PHLDB2: variants seen among roughly 807,000 people sequenced by gnomAD.
PHLDB2 encodes pleckstrin homology like domain family B member 2, also known as pleckstrin homology-like domain family B member 2.
In PHLDB2, 71 loss-of-function variants were observed where a neutral mutation model predicts 123.6. The observed-to-expected ratio is 0.57, with a 90% CI of 0.47 to 0.70. PHLDB2 has a LOEUF of 0.70. Among genes scored for constraint, PHLDB2 ranks in the 30% least tolerant of loss-of-function variants. The pLI, the probability that PHLDB2 is intolerant of heterozygous loss-of-function variation, is 0.00. For synonymous variants in PHLDB2, 547 were observed against 541.6 expected, an observed-to-expected ratio of 1.01 and a Z score of -0.14; for missense variants, 1,446 against 1,519.5, an observed-to-expected ratio of 0.95 and a Z score of 0.80.
intron 1 of PHLDB2, among the ~76,000 whole-genome samples, chr3:111,821,080 G>A (rs2062353723): frequency 1.3e-5 from 2 of 152,172 alleles, no homozygotes; most frequent in South Asian, 4.1e-4. Context: ...TAGGTCTTAT[G>A]TGGGTTCCAT....
intron 5 of PHLDB2, among the ~76,000 whole-genome samples, chr3:111,921,845 G>T (rs1317632345): frequency 6.6e-6 from 1 of 152,112 alleles, no homozygotes; most frequent in African/African-American, 2.4e-5. Flanking sequence ...CTCGTGATCC[G>T]CCCACCTCAG....
intron 1 of PHLDB2, among the ~76,000 whole-genome samples, chr3:111,829,927 A>AACACACACACAC (rs72357648): frequency 4.3e-4 from 58 of 136,014 alleles, no homozygotes; most frequent in East Asian, 1.9e-3. Flanking sequence ...AACTATTCAA[A>AACACACACACAC]ACACACACAC....
At chr3:111,940,498 A>G in intron 7 of PHLDB2, 37 bp from the exon 8 acceptor site, 2 of 1,260,806 alleles carry the variant, frequency 1.6e-6, no homozygotes, top group Non-Finnish European at 2.3e-6. Flanking sequence ...TTGAGTGTCT[A>G]ATGTACATCT....
chr3:111,787,270 G>A (rs1255682640), intron 1 of PHLDB2, among the ~76,000 whole-genome samples: 1 of 152,182 alleles, frequency 6.6e-6, no homozygotes, highest in Non-Finnish European at 1.5e-5. Context: ...GAAGGTGAAT[G>A]TGTTCCCTGT....
chr3:111,967,982 A>AAG (rs2071899985), intron 15 of PHLDB2, among the ~76,000 whole-genome samples, 158 bp downstream of exon 15: 1 of 143,896 alleles, frequency 6.9e-6, no homozygotes, highest in African/African-American at 2.8e-5. Context: ...GTGCAAAAAA[A>AAG]AAAAAAAAAA....
At chr3:111,840,571 A>G (rs908330516) in intron 1 of PHLDB2, among the ~76,000 whole-genome samples, 1 of 152,198 alleles carries the variant, frequency 6.6e-6, no homozygotes, top group Non-Finnish European at 1.5e-5. Context: ...TTTCCATGAA[A>G]GGGAGCTTGA....
At position 111,975,355 on chromosome 3, in the gene PHLDB2, A is replaced by G. The variant is rs538295892; in HGVS notation, c.*792A>G. The stretch of plus-strand genomic sequence containing the variant: ...CAACAGGCATTCTGTCATGTTGAAC[A>G]ATTTTAAATAAAGAGAATATCTGGT... On this transcript the variant is annotated 3_prime_UTR_variant, in exon 18 of 18. Coordinates refer to ENST00000431670, the MANE Select transcript of PHLDB2 (RefSeq NM_001134438.2). 1.3e-5 allele frequency: 2 copies of G among 152,314 alleles called. No individual in the cohort carries two copies. The highest frequency in any genetic ancestry group is 4.1e-4 in the South Asian group (2 of 4,832). 9.4% of individuals were successfully genotyped at this position (152,314 alleles called of 1,614,324 possible).
At chr3:111,936,443 T>G (rs1177112652) in intron 6 of PHLDB2, among the ~76,000 whole-genome samples, 1 of 152,230 alleles carries the variant, frequency 6.6e-6, no homozygotes, top group East Asian at 1.9e-4. Flanking sequence ...ACATAAAATC[T>G]TGTAAAAGTT....
intron 1 of PHLDB2, among the ~76,000 whole-genome samples, chr3:111,790,493 T>C: frequency 6.6e-6 from 1 of 152,162 alleles, no homozygotes; most frequent in Non-Finnish European, 1.5e-5. Flanking sequence ...CTTGAGGCAT[T>C]AGGAGTTGCT....
chr3:111,939,753 A>G lies in PHLDB2; in HGVS notation c.2286+123A>G, dbSNP rs2069741506. 3.4e-5 allele frequency: 33 copies of G among 978,432 alleles called. No homozygotes were observed. In the South Asian group the frequency reaches 6.0e-4, roughly 18 times the overall value. 60.6% of individuals were successfully genotyped at this position (978,432 alleles called of 1,614,324 possible). A position where few individuals can be genotyped will look rare whatever the true frequency, so the allele number is the denominator to read the frequency against. ...TTACGTAGTCTGCCATGTATGTGGC[A>G]AATGGTGTTCCAAATTAGACAAATT... On this transcript the variant is annotated intron_variant, in intron 7 of 17. Transcript: ENST00000431670.
intron 5 of PHLDB2, among the ~76,000 whole-genome samples, chr3:111,930,189 G>A (rs532074864): frequency 4.6e-4 from 70 of 152,046 alleles, no homozygotes; most frequent in Admixed American, 2.2e-3. Context: ...GGGATTACAG[G>A]CATGAAAGAT....
rs1224720735 is a variant in PHLDB2, at chr3:111,732,593, T to C, written c.-159T>C. 4 of 1,525,818 alleles carry C rather than the reference T, an allele frequency of 2.6e-6. No homozygotes were observed. The African/African-American group carries it at 4.1e-5, about 16-fold the overall frequency. 94.5% of individuals were successfully genotyped at this position (1,525,818 alleles called of 1,614,324 possible). On this transcript the variant is annotated 5_prime_UTR_variant, in exon 1 of 18. Coordinates refer to the PHLDB2 transcript ENST00000393923. ...AAAAGGAGAAACCTGTGTTAATGTG[T>C]CTTCCCAACATCCCACTCTCTTCAG... is the stretch of plus-strand genomic sequence containing the variant.
intron 12 of PHLDB2, among the ~76,000 whole-genome samples, chr3:111,958,902 A>T (rs901556464): frequency 2.6e-5 from 4 of 152,234 alleles, no homozygotes; most frequent in Non-Finnish European, 5.9e-5. Flanking sequence ...TATATAGAAT[A>T]TATAGATGAA....
At chr3:111,908,363 A>G (rs1054690616) in intron 2 of PHLDB2, among the ~76,000 whole-genome samples, 4 of 152,182 alleles carry the variant, frequency 2.6e-5, no homozygotes, top group African/African-American at 7.2e-5. Context: ...CTGAAATTGC[A>G]CATGGTTTAT....
At chr3:111,851,260 G>A (rs2064244066) in intron 2 of PHLDB2, among the ~76,000 whole-genome samples, 1 of 148,770 alleles carries the variant, frequency 6.7e-6, no homozygotes, top group East Asian at 2.0e-4. Flanking sequence ...GAGAAGCAAT[G>A]ACATTGCCCC....
At chr3:111,879,987 T>C (rs961646276) in intron 1 of PHLDB2, among the ~76,000 whole-genome samples, 94 of 15,332 alleles carry the variant, frequency 6.1e-3, no homozygotes, top group African/African-American at 0.014. Flanking sequence ...CCCACTGCCT[T>C]TTTTTTTTTT....
At chr3:111,785,214 T>C (rs1476939605) in intron 1 of PHLDB2, among the ~76,000 whole-genome samples, 1 of 152,162 alleles carries the variant, frequency 6.6e-6, no homozygotes, top group Non-Finnish European at 1.5e-5. Flanking sequence ...AGCCATTTTA[T>C]TTCTTCATTT....
At chr3:111,905,841 CT>C (rs1031257271) in intron 2 of PHLDB2, among the ~76,000 whole-genome samples, 1 of 151,562 alleles carries the variant, frequency 6.6e-6, no homozygotes, top group African/African-American at 2.4e-5. Flanking sequence ...CCATTATAAT[CT>C]TTTTTTTTCC....
chr3:111,805,374 C>T (rs985930260), intron 1 of PHLDB2, among the ~76,000 whole-genome samples: 26 of 151,920 alleles, frequency 1.7e-4, no homozygotes, highest in South Asian at 6.2e-4. Context: ...TCCTGGCTAA[C>T]ATGGTGAAAC....
Sources: gnomAD v4.1 joint callset for allele counts (sites outside exome capture counted in the v4.1 genomes callset) on GRCh38, gnomAD v4.1.1 for gene constraint, MANE v1.5 for transcripts, NCBI Gene and HGNC (gene_info 2026-07-23, HGNC 2026-07-21) for gene names.